COL7A1: variants seen among roughly 807,000 people sequenced by gnomAD.
COL7A1 encodes collagen type VII alpha 1 chain.
A neutral mutation model predicts 456.2 loss-of-function variants in COL7A1; 296 were observed. That is an observed-to-expected ratio of 0.65 (90% confidence interval 0.59 to 0.71). COL7A1 has a LOEUF of 0.71. Among genes scored for constraint, COL7A1 ranks in the 30% least tolerant of loss-of-function variants. The pLI, the probability that COL7A1 is intolerant of heterozygous loss-of-function variation, is 0.00. For synonymous variants in COL7A1, 1,464 were observed against 1,525.9 expected (o/e 0.96, Z 0.95); for missense variants, 3,441 against 4,017.2 (o/e 0.86, Z 3.88).
At position 48,576,660 on chromosome 3, in the gene COL7A1, G is replaced by A. The variant is rs756850827; in HGVS notation, c.5700+16C>T. ...TTCTAATGCTCTGAAGTCCCAGAAT[G>A]ACCCAGGACACTCACCTGGCCAGGA... is the stretch of plus-strand genomic sequence containing the variant. On this transcript the variant is annotated intron_variant, in intron 68 of 118. Transcript: ENST00000681320. 7 of 1,599,800 alleles carry A rather than the reference G, an allele frequency of 4.4e-6. No homozygotes were observed. In the South Asian group the frequency reaches 7.8e-5, roughly 18 times the overall value.
chr3:48,578,438 A>G lies in COL7A1; in HGVS notation c.5487+15T>C. ...GTAAGGGGGAAAAGGGGGTAACATGAAAGTCTGGTCTCACCGGTAATCCAG... is the reference window on the plus strand; with the variant it reads ...GTAAGGGGGAAAAGGGGGTAACATGGAAGTCTGGTCTCACCGGTAATCCAG... On this transcript the variant is annotated intron_variant, in intron 64 of 118. Coordinates refer to ENST00000681320, the MANE Select transcript of COL7A1 (RefSeq NM_000094.4). This position sits in a 1 kb window ranked among gnomAD's most constrained non-coding sequence, Gnocchi z 4.7. 6.2e-7 allele frequency: 1 copy of G among 1,613,380 alleles called. No individual in the cohort carries two copies. The highest frequency in any genetic ancestry group is 8.5e-7 in the Non-Finnish European group (1 of 1,180,030).
chr3:48,586,371 C>T lies in COL7A1; in HGVS notation c.3511G>A (p.Gly1171Ser). 1 of 1,613,876 alleles carries T rather than the reference C, an allele frequency of 6.2e-7. No homozygotes were observed. Residue 1171 changes from glycine (G) to serine (S), a missense_variant, in exon 27 of 119, where the codon GGT (glycine) becomes AGT (serine). Gly to Ser is a moderately conservative substitution (Grantham distance 56, BLOSUM62 0). Coordinates refer to ENST00000681320, the MANE Select transcript of COL7A1 (RefSeq NM_000094.4). This position sits in a 1 kb window ranked among gnomAD's most constrained non-coding sequence, Gnocchi z 5.1. Reference sequence around the variant, plus strand: ...TCACGGATGGGGCTGAATATGTCACCTCTCAAGGGTTCATCCACTAGCAGA... The same window carrying T: ...TCACGGATGGGGCTGAATATGTCACTTCTCAAGGGTTCATCCACTAGCAGA... ...MVLLVDEPLR[G>S]DIFSPIREAQ... is the part of the protein sequence containing the mutation.
Position 48,570,043 on chromosome 3 carries a change from G to T in COL7A1, c.7485+91C>A. 6.3e-7 allele frequency: 1 copy of T among 1,594,244 alleles called. No homozygotes were observed. The highest frequency in any genetic ancestry group is 8.6e-7 in the Non-Finnish European group (1 of 1,162,730). On this transcript the variant is annotated intron_variant, in intron 99 of 118. Transcript: ENST00000681320. This position sits in a 1 kb window ranked among gnomAD's most constrained non-coding sequence, Gnocchi z 5.5. Reference sequence around the variant, plus strand: ...AGGGGTAGACGAGGAGGGCCAGAGGGCTAGGGAGGATGGCAGAGAGTCCTG... The same window carrying T: ...AGGGGTAGACGAGGAGGGCCAGAGGTCTAGGGAGGATGGCAGAGAGTCCTG...
Position 48,572,137 on chromosome 3 carries a change from C to A in COL7A1, c.7013G>T (p.Arg2338Leu), listed in dbSNP as rs201011691. 3.1e-6 allele frequency: 5 copies of A among 1,614,014 alleles called. No individual in the cohort carries two copies. Among genetic ancestry groups the A allele is most frequent in the Non-Finnish European group, 4.2e-6 (5 of 1,180,004 alleles). Residue 2338 changes from arginine to leucine, a missense_variant, in exon 91 of 119, where the codon CGA becomes CTA. Arg to Leu is a moderately radical substitution (Grantham distance 102, BLOSUM62 -2). This residue lies in a region of COL7A1 where 2,084 missense variants were observed against 2,501.3 expected (regional missense o/e 0.83). Transcript: ENST00000681320. The surrounding 1 kb of genome is among the most constrained non-coding windows in gnomAD (Gnocchi z 4.6). ...GCCAACCCACCTCACCTTCTCGCCT[C>A]GCGGCCCTGGCAGTCCTCGGTCACC... is the stretch of plus-strand genomic sequence containing the variant. ...AKGDRGLPGP[R>L]GEKGEAGRAG...
Position 48,571,571 on chromosome 3 carries a change from G to A in COL7A1, c.7069-293C>T, listed in dbSNP as rs763064528. 4.7e-5 allele frequency: 32 copies of A among 677,116 alleles called. No homozygotes were observed. The highest frequency in any genetic ancestry group is 1.1e-4 in the South Asian group (7 of 66,408). The allele number at this position is 677,116 out of a possible 1,614,324, so 41.9% of individuals were successfully genotyped here. A position where few individuals can be genotyped will look rare whatever the true frequency, so the allele number is the denominator to read the frequency against. ...CATCTGGCTCCACAGACGTGAGTGC[G>A]GACACACGGGCGCTCAGAGGGGAAC... On this transcript the variant is annotated intron_variant, in intron 92 of 118. Transcript: ENST00000681320. The surrounding 1 kb of genome is among the most constrained non-coding windows in gnomAD (Gnocchi z 4.6).
chr3:48,588,583 C>T lies in COL7A1; in HGVS notation c.2587+59G>A. Reference sequence around the variant, plus strand: ...CTTTCTCCAATCCAGAGCACAAGCCCGGATCCCCAAACCATCCACACCACC... The same window carrying T: ...CTTTCTCCAATCCAGAGCACAAGCCTGGATCCCCAAACCATCCACACCACC... On this transcript the variant is annotated intron_variant, in intron 20 of 118. Transcript: ENST00000681320. The surrounding 1 kb of genome is among the most constrained non-coding windows in gnomAD (Gnocchi z 4.6). 4 of 1,612,978 alleles carry T rather than the reference C, an allele frequency of 2.5e-6. No individual in the cohort carries two copies. The highest frequency in any genetic ancestry group is 3.4e-6 in the Non-Finnish European group (4 of 1,179,652).
At position 48,585,140 on chromosome 3, in the gene COL7A1, C is replaced by G; in HGVS notation, c.3895-24G>C. The G allele has an allele frequency of 6.2e-7, 1 of 1,608,390 alleles. No homozygotes were observed. The highest frequency in any genetic ancestry group is 8.5e-7 in the Non-Finnish European group (1 of 1,178,796). The stretch of plus-strand genomic sequence containing the variant: ...CCCTGAGGAGGTGAAGAGGTCAGGA[C>G]AGGAAGGGACCCTCCCCCAAGGCCC... On this transcript the variant is annotated intron_variant, in intron 32 of 118. Coordinates refer to ENST00000681320, the MANE Select transcript of COL7A1 (RefSeq NM_000094.4). This position sits in a 1 kb window ranked among gnomAD's most constrained non-coding sequence, Gnocchi z 4.5.
In COL7A1 at chr3:48,584,937, T is replaced by G. The variant is rs2107737918; in HGVS notation, c.3984A>C (p.Pro1328=). Residue 1328 remains proline (P), a synonymous_variant, in exon 34 of 119, where the codon CCA becomes CCC. Transcript: ENST00000681320. ...GGTCCCCACGAGGGCCAGGCAACCC[T>G]GGAGAGCCCTGCAAATGGAGGCCAG... ...TPGAPGLKGS[P]GLPGPRGDPG... is the part of the protein sequence containing the mutation. 2.5e-6 allele frequency: 4 copies of G among 1,613,880 alleles called. No individual in the cohort carries two copies. The highest frequency in any genetic ancestry group is 3.4e-6 in the Non-Finnish European group (4 of 1,179,986).
Position 48,592,021 on chromosome 3 carries a change from A to C in COL7A1, c.1241-7T>G. 3 of 1,614,196 alleles carry C rather than the reference A, an allele frequency of 1.9e-6. No homozygotes were observed. The highest frequency in any genetic ancestry group is 2.5e-6 in the Non-Finnish European group (3 of 1,180,022). On this transcript the variant is annotated splice_region_variant and splice_polypyrimidine_tract_variant and intron_variant, in intron 10 of 118. Transcript: ENST00000681320. The surrounding 1 kb of genome is among the most constrained non-coding windows in gnomAD (Gnocchi z 7.6). ...GTCTGCTCAACAGAAGCGTCTGCCC[A>C]GGGCACATGGGATGTCAGTGGCCTC...
chr3:48,580,284 C>T lies in COL7A1; in HGVS notation c.5097+16G>A, dbSNP rs1163847698. ...CCCTCCATCCCTTCTGAGCCCAGGA[C>T]ACCAGCCCTACTCACCGGCTCCCCA... is the stretch of plus-strand genomic sequence containing the variant. On this transcript the variant is annotated intron_variant, in intron 56 of 118. Coordinates refer to ENST00000681320, the MANE Select transcript of COL7A1 (RefSeq NM_000094.4). The surrounding 1 kb of genome is among the most constrained non-coding windows in gnomAD (Gnocchi z 4.5). The T allele has an allele frequency of 6.2e-7, 1 of 1,608,852 alleles. No homozygotes were observed. Among genetic ancestry groups the T allele is most frequent in the South Asian group, 1.1e-5 (1 of 90,140 alleles).
chr3:48,587,011 C>G lies in COL7A1; in HGVS notation c.3237G>C (p.Leu1079=), dbSNP rs777110195. ...GCCCAAGAGGCCCAAGTGCCAACAC[C>G]AGACGCTCCAGGACCCTCCTCGTAG... The part of the protein sequence containing the change: ...AEATRRVLER[L]VLALGPLGPQ... The change falls in exon 25 of 119, where the codon CTG becomes CTC. Residue 1079 remains leucine (L), a synonymous_variant. Coordinates refer to ENST00000681320, the MANE Select transcript of COL7A1 (RefSeq NM_000094.4). The surrounding 1 kb of genome is among the most constrained non-coding windows in gnomAD (Gnocchi z 6.1). The G allele has an allele frequency of 6.2e-7, 1 of 1,601,992 alleles. No individual in the cohort carries two copies. The highest frequency in any genetic ancestry group is 8.5e-7 in the Non-Finnish European group (1 of 1,174,422).
chr3:48,566,119 G>C lies in COL7A1; in HGVS notation c.8407+148C>G, dbSNP rs2043593761. Reference sequence around the variant, plus strand: ...TCCCTCCACTGGGGACACATGTCATGTGTCAGTCCTGCAGCACATGTGTCC... The same window carrying C: ...TCCCTCCACTGGGGACACATGTCATCTGTCAGTCCTGCAGCACATGTGTCC... On this transcript the variant is annotated intron_variant, in intron 114 of 118. Transcript: ENST00000681320. This position sits in a 1 kb window ranked among gnomAD's most constrained non-coding sequence, Gnocchi z 5.9. The C allele has an allele frequency of 1.2e-6, 1 of 843,124 alleles. No homozygotes were observed. The highest frequency in any genetic ancestry group is 1.7e-5 in the African/African-American group (1 of 59,772). 52.2% of individuals were successfully genotyped at this position (843,124 alleles called of 1,614,324 possible). A position where few individuals can be genotyped will look rare whatever the true frequency, so the allele number is the denominator to read the frequency against.
In COL7A1 at chr3:48,567,910, TGAA is replaced by T; in HGVS notation, c.7876-22_7876-20del. The T allele has an allele frequency of 6.2e-7, 1 of 1,613,960 alleles. No homozygotes were observed. On this transcript the variant is annotated intron_variant, in intron 106 of 118. Coordinates refer to ENST00000681320, the MANE Select transcript of COL7A1 (RefSeq NM_000094.4). The surrounding 1 kb of genome is among the most constrained non-coding windows in gnomAD (Gnocchi z 4.3). ...GTTCACCCTGAGGGAGAAAAGCAGA[TGAA>T]GAAGTGATTCCCAGACACCTCACTC... is the stretch of plus-strand genomic sequence containing the variant.
rs542807792 is a variant in COL7A1, at chr3:48,565,402, G to C, written c.8527+8C>G. 42 of 1,600,554 alleles carry C rather than the reference G, an allele frequency of 2.6e-5. 1 individual carries two copies. The South Asian group carries it at 4.5e-4, about 17-fold the overall frequency. Reference sequence around the variant, plus strand: ...CCATAGCTGCCCCACGGGTTCAGCTGTCCTCACCTTCCTCCTCTGCATGAG... The same window carrying C: ...CCATAGCTGCCCCACGGGTTCAGCTCTCCTCACCTTCCTCCTCTGCATGAG... On this transcript the variant is annotated splice_region_variant and intron_variant, in intron 116 of 118. Transcript: ENST00000681320. This position sits in a 1 kb window ranked among gnomAD's most constrained non-coding sequence, Gnocchi z 4.5.
Position 48,592,254 on chromosome 3 carries a change from T to C in COL7A1, c.1094-6A>G, listed in dbSNP as rs757717493. 1.9e-6 allele frequency: 3 copies of C among 1,613,588 alleles called. No homozygotes were observed. The African/African-American group carries it at 4.0e-5, about 22-fold the overall frequency. Reference sequence around the variant, plus strand: ...CTGCTGCTGTGTGGGCCCACCTGCATGGGGGACACCAAGGGGCCAGTGGGC... The same window carrying C: ...CTGCTGCTGTGTGGGCCCACCTGCACGGGGGACACCAAGGGGCCAGTGGGC... On this transcript the variant is annotated splice_region_variant and splice_polypyrimidine_tract_variant and intron_variant, in intron 9 of 118. Transcript: ENST00000681320. The surrounding 1 kb of genome is among the most constrained non-coding windows in gnomAD (Gnocchi z 7.6).
rs201407029 is a variant in COL7A1 at position 48,591,580 on chromosome 3, G to A, written c.1520C>T (p.Pro507Leu). 11 of 1,613,656 alleles carry A rather than the reference G, an allele frequency of 6.8e-6. No individual in the cohort carries two copies. The highest frequency in any genetic ancestry group is 8.5e-6 in the Non-Finnish European group (10 of 1,179,996). ...TTGCAGGTCTGTTACAGGGCTCACA[G>A]GCAGCTCTGGTCCTGTTGGAGAGCA... The part of the protein sequence containing the change: ...ATVVPTGPEL[P>L]VSPVTDLQAT... The change falls in exon 13 of 119, where the codon CCT becomes CTT. Residue 507 changes from proline to leucine, a missense_variant. Physicochemically the swap from Pro to Leu is moderately conservative, Grantham distance 98 (BLOSUM62 -3). Transcript: ENST00000681320. The surrounding 1 kb of genome is among the most constrained non-coding windows in gnomAD (Gnocchi z 7.0).
At position 48,576,897 on chromosome 3, in the gene COL7A1, G is replaced by A. The variant is rs1425880288; in HGVS notation, c.5591C>T (p.Ala1864Val). The A allele has an allele frequency of 3.1e-6, 5 of 1,613,932 alleles. No individual in the cohort carries two copies. The highest frequency in any genetic ancestry group is 1.3e-5 in the African/African-American group (1 of 74,880). The change falls in exon 67 of 119, where the codon GCC becomes GTC. Residue 1864 changes from alanine to valine, a missense_variant. Physicochemically the swap from Ala to Val is moderately conservative, Grantham distance 64 (BLOSUM62 0). This residue lies in a region of COL7A1 where 2,084 missense variants were observed against 2,501.3 expected (regional missense o/e 0.83). Coordinates refer to ENST00000681320, the MANE Select transcript of COL7A1 (RefSeq NM_000094.4). Reference protein sequence around the residue: ...GRKGEKGDSGASGREGRDGPK... With the variant: ...GRKGEKGDSGVSGREGRDGPK... Reference sequence around the variant, plus strand: ...TCCAATACTCACTTCTCTCCCAGAGGCGCCTGAATCTCCTTTCTCTCCCTA... The same window carrying A: ...TCCAATACTCACTTCTCTCCCAGAGACGCCTGAATCTCCTTTCTCTCCCTA...
Position 48,571,210 on chromosome 3 carries a change from G to A in COL7A1, c.7104+33C>T, listed in dbSNP as rs781120329. 1.2e-6 allele frequency: 2 copies of A among 1,613,976 alleles called. No individual in the cohort carries two copies. The highest frequency in any genetic ancestry group is 4.5e-5 in the East Asian group (2 of 44,886). ...CAAGCTCAGGGAGTCTCACGACCAG[G>A]ACCCCAGCAGGGACCCTTCTGGGTA... On this transcript the variant is annotated intron_variant, in intron 93 of 118. Transcript: ENST00000681320. This position sits in a 1 kb window ranked among gnomAD's most constrained non-coding sequence, Gnocchi z 4.6.
At position 48,579,321 on chromosome 3, in the gene COL7A1, A is replaced by G. The variant is rs777258541; in HGVS notation, c.5308-44T>C. Reference sequence around the variant, plus strand: ...TAAGAGGCCACCAAGGCTGAGGTGGATCTGATAACCCAGGCTCATGTCCTG... The same window carrying G: ...TAAGAGGCCACCAAGGCTGAGGTGGGTCTGATAACCCAGGCTCATGTCCTG... On this transcript the variant is annotated intron_variant, in intron 61 of 118. Transcript: ENST00000681320. The surrounding 1 kb of genome is among the most constrained non-coding windows in gnomAD (Gnocchi z 4.4). 6.2e-7 allele frequency: 1 copy of G among 1,614,136 alleles called. No individual in the cohort carries two copies. The highest frequency in any genetic ancestry group is 8.5e-7 in the Non-Finnish European group (1 of 1,180,008).
Sources: gnomAD v4.1 joint callset for allele counts on GRCh38, gnomAD v4.1.1 for gene constraint, gnomAD v4.1.1 regional missense constraint, Gnocchi (gnomAD v3.1) non-coding constraint, MANE v1.5 for transcripts, NCBI Gene and HGNC (gene_info 2026-07-23, HGNC 2026-07-21) for gene names.